Variants in PFKFB2 observed in about 807,000 individuals in gnomAD.
The protein encoded by PFKFB2 is 6-phosphofructo-2-kinase/fructose-2,6-biphosphatase 2.
A neutral mutation model predicts 68.0 loss-of-function variants in PFKFB2; 53 were observed. The observed-to-expected ratio is 0.78, with a 90% CI of 0.63 to 0.98. The LOEUF (loss-of-function observed/expected upper bound fraction) is 0.98, where lower values mean the gene tolerates loss of function less well. PFKFB2 is among the 50% of genes least tolerant of loss of function. The pLI is 0.00. For synonymous variants in PFKFB2, 222 were observed against 227.6 expected, an observed-to-expected ratio of 0.98 and a Z score of 0.22; for missense variants, 451 against 642.0, an observed-to-expected ratio of 0.70 and a Z score of 3.22.
Position 207,074,598 on chromosome 1 carries a change from C to T in PFKFB2, c.*2227C>T. The T allele has an allele frequency of 1.0e-6, 1 of 985,378 alleles. No individual in the cohort carries two copies. Among genetic ancestry groups the T allele is most frequent in the Non-Finnish European group, 1.2e-6 (1 of 829,914 alleles). The allele number at this position is 985,378 out of a possible 1,614,324, so 61.0% of individuals were successfully genotyped here. A position where few individuals can be genotyped will look rare whatever the true frequency, so the allele number is the denominator to read the frequency against. ...CTAAAGGCTGCTTACCTAGATTCTT[C>T]TCAAAATTGTGTCCAAGATGTTAAG... is the stretch of plus-strand genomic sequence containing the variant. On this transcript the variant is annotated 3_prime_UTR_variant, in exon 15 of 15. Coordinates refer to ENST00000367080, the MANE Select transcript of PFKFB2 (RefSeq NM_006212.2).
Position 207,072,589 on chromosome 1 carries a change from AAGTTAGCAAATTG to A in PFKFB2, c.*222_*234del. ...TTGAAACATCTTTTCACCCAGGGGC[AAGTTAGCAAATTG>A]AGTCTTTTAGGACAGATTCTCAGAT... is the stretch of plus-strand genomic sequence containing the variant. On this transcript the variant is annotated 3_prime_UTR_variant, in exon 15 of 15. Coordinates refer to ENST00000367080, the MANE Select transcript of PFKFB2 (RefSeq NM_006212.2). The A allele has an allele frequency of 2.2e-6, 3 of 1,335,638 alleles. No homozygotes were observed. Among genetic ancestry groups the A allele is most frequent in the Non-Finnish European group, 2.9e-6 (3 of 1,044,666 alleles). The allele number at this position is 1,335,638 out of a possible 1,614,324, so 82.7% of individuals were successfully genotyped here.
rs1683514709 is a variant in PFKFB2 at position 207,073,038 on chromosome 1, A to G, written c.*667A>G. 1.0e-6 allele frequency: 1 copy of G among 985,406 alleles called. No homozygotes were observed. The allele number at this position is 985,406 out of a possible 1,614,324, so 61.0% of individuals were successfully genotyped here. On this transcript the variant is annotated 3_prime_UTR_variant, in exon 15 of 15. Transcript: ENST00000367080. Reference sequence around the variant, plus strand: ...TTCCTTTCTCCCTTCCTCTCCAGCCAGGTCCTGTAAGGGCCAGCCCAGACT... The same window carrying G: ...TTCCTTTCTCCCTTCCTCTCCAGCCGGGTCCTGTAAGGGCCAGCCCAGACT...
upstream of PFKFB2, chr1:207,052,783 C>T (rs923140881): frequency 1.9e-5 from 3 of 156,300 alleles, no homozygotes; most frequent in Non-Finnish European, 4.3e-5. Context: ...ACCTGTGGAG[C>T]CGGGTATGTA....
chr1:207,044,369 A>G (rs1352135368), intron 2 of PFKFB2: 1 of 152,580 alleles, frequency 6.6e-6, no homozygotes, highest in Admixed American at 6.5e-5. Context: ...GAATGGCACC[A>G]ATGTGACTGG....
intron 2 of PFKFB2, among the ~76,000 whole-genome samples, chr1:207,055,808 ATC>A: frequency 6.6e-6 from 1 of 152,266 alleles, no homozygotes; most frequent in Non-Finnish European, 1.5e-5. Flanking sequence ...GACAATGATA[ATC>A]TCTCTTCACC....
In PFKFB2 at chr1:207,076,843, G is replaced by A; in HGVS notation, c.*4472G>A. ...TTGCCTGACTAACGGTCTAGGGTCT[G>A]TAAGCTGACAGTCTGCCTGCTTTCT... On this transcript the variant is annotated 3_prime_UTR_variant, in exon 15 of 15. Coordinates refer to ENST00000367080, the MANE Select transcript of PFKFB2 (RefSeq NM_006212.2). 1.0e-6 allele frequency: 1 copy of A among 985,408 alleles called. No homozygotes were observed. Among genetic ancestry groups the A allele is most frequent in the Non-Finnish European group, 1.2e-6 (1 of 829,890 alleles). 61.0% of individuals were successfully genotyped at this position (985,408 alleles called of 1,614,324 possible).
In PFKFB2 at chr1:207,060,966, A is replaced by G. The variant is rs1017138794; in HGVS notation, c.86-987A>G. The G allele has an allele frequency of 5.3e-5, 7 of 131,892 alleles. No individual in the cohort carries two copies. The East Asian group carries it at 1.2e-3, about 23-fold the overall frequency. The allele number at this position is 131,892 out of a possible 1,614,324, so 8.2% of individuals were successfully genotyped here. ...CCACATCTGGCTAAGTTAAATATATATATCTATATATCTATATATCTATAT... is the reference window on the plus strand; with the variant it reads ...CCACATCTGGCTAAGTTAAATATATGTATCTATATATCTATATATCTATAT... On this transcript the variant is annotated intron_variant, in intron 2 of 14. Transcript: ENST00000367080.
chr1:207,042,549 C>CAAAAAAAA (rs57077682), intron 2 of PFKFB2, among the ~76,000 whole-genome samples: 667 of 44,698 alleles, frequency 0.015, 133 homozygotes, highest in Non-Finnish European at 0.019. Context: ...CTCTGTCTCA[C>CAAAAAAAA]AAAAAAAAAA....
chr1:207,053,010 C>T (rs1005900123), upstream of PFKFB2: 1 of 152,234 alleles, frequency 6.6e-6, no homozygotes, highest in African/African-American at 2.4e-5. Flanking sequence ...AAAAGTCAAG[C>T]TTTTTATTAA....
intron 1 of PFKFB2, 68 bp from the exon 2 acceptor site, chr1:207,054,633 C>A: frequency 9.1e-7 from 1 of 1,100,162 alleles, no homozygotes; most frequent in African/African-American, 1.6e-5. Flanking sequence ...ATCCAATGCA[C>A]TGACTTTTTT....
chr1:207,036,018 C>G (rs867641988), intron 1 of PFKFB2, among the ~76,000 whole-genome samples: 1 of 152,004 alleles, frequency 6.6e-6, no homozygotes, highest in Non-Finnish European at 1.5e-5. Context: ...GTAATTGATA[C>G]GGAAAAGGGG....
Position 207,063,716 on chromosome 1 carries a change from T to G in PFKFB2, c.451-57T>G. ...GGGTGGGGTAGATGAGCATGTGCTC[T>G]TAATTAACAGCCTGGCATTTTTGAC... On this transcript the variant is annotated intron_variant, in intron 6 of 14. Transcript: ENST00000367080. The surrounding 1 kb of genome is among the most constrained non-coding windows in gnomAD (Gnocchi z 4.1). 6.9e-7 allele frequency: 1 copy of G among 1,439,788 alleles called. No homozygotes were observed. Among genetic ancestry groups the G allele is most frequent in the Non-Finnish European group, 9.8e-7 (1 of 1,020,922 alleles). 89.2% of individuals were successfully genotyped at this position (1,439,788 alleles called of 1,614,324 possible). A position where few individuals can be genotyped will look rare whatever the true frequency, so the allele number is the denominator to read the frequency against.
At chr1:207,068,095 A>AGTGTGTGT (rs4030464) in intron 9 of PFKFB2, 68 bp from the exon 10 acceptor site, 30,940 of 1,071,432 alleles carry the variant, frequency 0.029, 94 homozygotes, top group Middle Eastern at 0.036. Context: ...GTGTGTGTTG[A>AGTGTGTGT]GTGTGTGTGT....
chr1:207,077,712 T>G lies in PFKFB2; in HGVS notation c.*5341T>G, dbSNP rs1334077101. The G allele has an allele frequency of 1.0e-6, 1 of 985,490 alleles. No homozygotes were observed. Among genetic ancestry groups the G allele is most frequent in the Admixed American group, 6.1e-5 (1 of 16,268 alleles). 61.0% of individuals were successfully genotyped at this position (985,490 alleles called of 1,614,324 possible). A position where few individuals can be genotyped will look rare whatever the true frequency, so the allele number is the denominator to read the frequency against. ...TAATCGGGTGACACTGATAACAAAG[T>G]ATGCCACTCAGATCCATTTAAAGTG... On this transcript the variant is annotated 3_prime_UTR_variant, in exon 15 of 15. Coordinates refer to ENST00000367080, the MANE Select transcript of PFKFB2 (RefSeq NM_006212.2).
At chr1:207,047,856 G>A (rs1324990581) in intron 2 of PFKFB2, 1 of 152,182 alleles carries the variant, frequency 6.6e-6, no homozygotes, top group African/African-American at 2.4e-5. Flanking sequence ...AAAAATCAAA[G>A]TAAAAGATTG....
rs1263124107 is a variant in PFKFB2, at chr1:207,063,186, A to G, written c.352A>G (p.Thr118Ala). 6.2e-7 allele frequency: 1 copy of G among 1,613,764 alleles called. No individual in the cohort carries two copies. Among genetic ancestry groups the G allele is most frequent in the African/African-American group, 1.3e-5 (1 of 75,026 alleles). Residue 118 changes from threonine (T) to alanine (A), a missense_variant, in exon 5 of 15, where the codon ACT becomes GCT. Physicochemically the swap from Thr to Ala is moderately conservative, Grantham distance 58 (BLOSUM62 0). Transcript: ENST00000367080. The surrounding 1 kb of genome is among the most constrained non-coding windows in gnomAD (Gnocchi z 4.1). ...VALEDVKAYL[T>A]EENGQIAVFD... ...GCTGGAAGATGTTAAGGCGTATCTC[A>G]CTGAGGAGAATGGTCAGATTGCGGT...
chr1:207,080,978 G>A (rs1398043959), downstream of PFKFB2: 5 of 152,000 alleles, frequency 3.3e-5, no homozygotes, highest in Non-Finnish European at 7.4e-5. Context: ...CGAGTAATAT[G>A]TATTGCTTTT....
chr1:207,041,218 G>A (rs571803715), intron 1 of PFKFB2, among the ~76,000 whole-genome samples: 8 of 151,464 alleles, frequency 5.3e-5, no homozygotes, highest in East Asian at 1.9e-4. Flanking sequence ...ATGAGCCACC[G>A]CGCCTGGCCA....
In PFKFB2 at chr1:207,072,272, G is replaced by A. The variant is rs567386729; in HGVS notation, c.1419G>A (p.Ser473=). ...RRNSFTPLSS[S]NTIRRPRNYS... ...ACAGCTTTACGCCTCTGTCCAGTTC[G>A]AATACAATAAGGCGTCCAAGAAATT... The change falls in exon 15 of 15, where the codon TCG becomes TCA. Residue 473 remains serine, a synonymous_variant. Coordinates refer to ENST00000367080, the MANE Select transcript of PFKFB2 (RefSeq NM_006212.2). 4.5e-5 allele frequency: 73 copies of A among 1,614,174 alleles called. No homozygotes were observed. The highest frequency in any genetic ancestry group is 2.5e-4 in the South Asian group (23 of 91,082).
Sources: gnomAD v4.1 joint callset for allele counts (sites outside exome capture counted in the v4.1 genomes callset) on GRCh38, gnomAD v4.1.1 for gene constraint, Gnocchi (gnomAD v3.1) non-coding constraint, MANE v1.5 for transcripts, NCBI Gene and HGNC (gene_info 2026-07-23, HGNC 2026-07-21) for gene names.